The following GNG4 variants were observed in gnomAD, a reference collection of about 807,000 sequenced individuals.
GNG4 encodes guanine nucleotide-binding protein G(I)/G(S)/G(O) subunit gamma-4.
In GNG4, 4 loss-of-function variants were observed where a neutral mutation model predicts 5.8. The ratio of observed to expected loss-of-function variants is 0.69; its 90% CI spans 0.34 to 1.57. The LOEUF (loss-of-function observed/expected upper bound fraction) is 1.57. GNG4 is among the 40% of genes most tolerant of loss of function. The probability of loss-of-function intolerance (pLI) is 0.06; values close to 1 mark genes in which losing one functional copy is unlikely to be tolerated. For synonymous variants in GNG4, 29 were observed against 32.9 expected (o/e 0.88, Z 0.41); for missense variants, 96 against 95.1 (o/e 1.01, Z -0.04).
At chr1:235,561,744 T>C (rs1046743595) in intron 3 of GNG4, among the ~76,000 whole-genome samples, 3 of 152,354 alleles carry the variant, frequency 2.0e-5, no homozygotes, top group Middle Eastern at 3.4e-3. Flanking sequence ...GTTTGACAAA[T>C]ATTTTCTCCC....
At chr1:235,623,181 C>A (rs1255718719) in intron 1 of GNG4, among the ~76,000 whole-genome samples, 2 of 152,122 alleles carry the variant, frequency 1.3e-5, no homozygotes, top group Non-Finnish European at 2.9e-5. Flanking sequence ...GAGATTTAGC[C>A]TGCATGCAGC....
At chr1:235,622,347 G>A (rs1571918213) in intron 1 of GNG4, among the ~76,000 whole-genome samples, 1 of 152,282 alleles carries the variant, frequency 6.6e-6, no homozygotes, top group Non-Finnish European at 1.5e-5. Context: ...CAAAGCTTTT[G>A]CTATGTTACT....
intron 1 of GNG4, among the ~76,000 whole-genome samples, chr1:235,641,486 T>A (rs1458301697): frequency 6.6e-6 from 1 of 151,650 alleles, no homozygotes; most frequent in Non-Finnish European, 1.5e-5. Context: ...AGGTCAGGAG[T>A]TCTAGACCAG....
chr1:235,580,916 A>G (rs1173434026), intron 3 of GNG4, among the ~76,000 whole-genome samples: 2 of 151,738 alleles, frequency 1.3e-5, no homozygotes, highest in Non-Finnish European at 2.9e-5. Flanking sequence ...AGACCCAGCT[A>G]ATTTTTGTAT....
chr1:235,565,453 G>A (rs954566141), intron 3 of GNG4, among the ~76,000 whole-genome samples: 2 of 152,168 alleles, frequency 1.3e-5, no homozygotes, highest in African/African-American at 2.4e-5. Flanking sequence ...GCAGTGAGCC[G>A]AGATCGTGCC....
intron 1 of GNG4, among the ~76,000 whole-genome samples, chr1:235,623,676 A>C (rs1451747973): frequency 2.0e-5 from 3 of 151,754 alleles, no homozygotes; most frequent in African/African-American, 7.3e-5. Context: ...AGCTGTCCTG[A>C]CCTCCAGGGA....
At chr1:235,559,005 C>G (rs1446374696) in intron 3 of GNG4, among the ~76,000 whole-genome samples, 1 of 152,130 alleles carries the variant, frequency 6.6e-6, no homozygotes, top group Non-Finnish European at 1.5e-5. Context: ...GAGAAAATGC[C>G]GCAATTACTA....
At chr1:235,634,115 G>C (rs1225893251) in intron 1 of GNG4, among the ~76,000 whole-genome samples, 2 of 152,056 alleles carry the variant, frequency 1.3e-5, no homozygotes, top group African/African-American at 2.4e-5. Context: ...GGAGGGTGAG[G>C]GATCAGCTAG....
At chr1:235,593,647 GA>G (rs1688043964) in intron 2 of GNG4, among the ~76,000 whole-genome samples, 1 of 152,158 alleles carries the variant, frequency 6.6e-6, no homozygotes, top group Non-Finnish European at 1.5e-5. Context: ...CTGATGTTCG[GA>G]TATGTTTGGA....
chr1:235,587,453 GGTACAGGGTGGGGGGTGAGTGTGAGAGT>G (rs1687813704), intron 2 of GNG4, among the ~76,000 whole-genome samples: 6 of 50,530 alleles, frequency 1.2e-4, no homozygotes, highest in African/African-American at 2.8e-4. Flanking sequence ...CGTGTGTGAG[GGTACAGGGTGGGGGGTGAGTGTGAGAGT>G]GTGGATGGGG....
At chr1:235,557,065 T>A (rs1182762887) in intron 3 of GNG4, among the ~76,000 whole-genome samples, 4 of 152,290 alleles carry the variant, frequency 2.6e-5, no homozygotes, top group Admixed American at 2.6e-4. Context: ...GCTCACCCGC[T>A]GCTCACTTCC....
chr1:235,586,631 T>C (rs1413779041), intron 2 of GNG4, among the ~76,000 whole-genome samples: 1 of 152,200 alleles, frequency 6.6e-6, no homozygotes, highest in Non-Finnish European at 1.5e-5. Context: ...CCTTTGGTGA[T>C]AAGTGAAAGT....
intron 1 of GNG4, among the ~76,000 whole-genome samples, chr1:235,617,401 A>G (rs989887405): frequency 1.3e-5 from 2 of 152,204 alleles, no homozygotes; most frequent in Non-Finnish European, 2.9e-5. Flanking sequence ...TGCTCCTAGC[A>G]GAATGCTGGG....
chr1:235,587,581 CGGTGAGTGTGAGTGTGGGAG>C (rs1687830687), intron 2 of GNG4, among the ~76,000 whole-genome samples: 1 of 1,262 alleles, frequency 7.9e-4, no homozygotes, highest in Non-Finnish European at 1.4e-3. Context: ...TGTGGGGTGG[CGGTGAGTGTGAGTGTGGGAG>C]GGCATGGGGT....
rs181776324 is a variant in GNG4 at position 235,628,711 on chromosome 1, G to A, written c.-123+20951C>T. On this transcript the variant is annotated intron_variant, in intron 1 of 3. Coordinates refer to ENST00000391854, the MANE Select transcript of GNG4 (RefSeq NM_001098722.2). ...ACATTTAGAAAAGTCACTTTTCCCC[G>A]CATATCTGAATATGGGGATTGAGAC... 5.3e-5 allele frequency among the ~76,000 whole-genome samples: 8 copies of A among 152,264 alleles called. No individual in the cohort carries two copies. In the East Asian group the frequency reaches 9.7e-4, roughly 18 times the overall value.
chr1:235,584,628 C>A (rs1687717347), intron 2 of GNG4, among the ~76,000 whole-genome samples: 1 of 150,398 alleles, frequency 6.6e-6, no homozygotes, highest in Non-Finnish European at 1.5e-5. Context: ...CACATTGATG[C>A]CCCGTGACTA....
rs552794120 is a variant in GNG4, at chr1:235,635,369, G to A, written c.-123+14293C>T. 7.0e-4 allele frequency among the ~76,000 whole-genome samples: 106 copies of A among 152,126 alleles called. 1 individual carries two copies. The South Asian group carries it at 0.02, about 28-fold the overall frequency. On this transcript the variant is annotated intron_variant, in intron 1 of 3. Transcript: ENST00000391854. ...AAATGATTCAGGTGTGGTGGTATGCGCCTGTAATCCCAGCTACTTGGGAGG... is the reference window on the plus strand; with the variant it reads ...AAATGATTCAGGTGTGGTGGTATGCACCTGTAATCCCAGCTACTTGGGAGG...
rs187389243 is a variant in GNG4 at position 235,549,981 on chromosome 1, G to C, written c.*2128C>G. On this transcript the variant is annotated 3_prime_UTR_variant, in exon 4 of 4. Coordinates refer to ENST00000391854, the MANE Select transcript of GNG4 (RefSeq NM_001098722.2). Reference sequence around the variant, plus strand: ...ACCATTAAACCCAATTTGCAGGTTAGAACATTTCAGGCACAAATGGCCTGT... The same window carrying C: ...ACCATTAAACCCAATTTGCAGGTTACAACATTTCAGGCACAAATGGCCTGT... 1 of 152,342 alleles carries C rather than the reference G, an allele frequency of 6.6e-6. No homozygotes were observed. The highest frequency in any genetic ancestry group is 6.5e-5 in the Admixed American group (1 of 15,300). 9.4% of individuals were successfully genotyped at this position (152,342 alleles called of 1,614,324 possible).
intron 3 of GNG4, among the ~76,000 whole-genome samples, chr1:235,577,685 C>T (rs372277848): frequency 0.023 from 3,483 of 151,492 alleles, 140 homozygotes; most frequent in African/African-American, 0.079. Context: ...GTGATCCACC[C>T]GCCCTGGCCT....
Sources: allele counts gnomAD v4.1 joint callset (sites outside exome capture counted in the v4.1 genomes callset), GRCh38; gene constraint gnomAD v4.1.1; transcripts MANE v1.5; gene names NCBI Gene and HGNC (gene_info 2026-07-23, HGNC 2026-07-21).